PTCHD4: variants seen among roughly 807,000 people sequenced by gnomAD.
PTCHD4 encodes patched domain-containing protein 4.
A neutral mutation model predicts 58.1 loss-of-function variants in PTCHD4; 33 were observed. The ratio of observed to expected loss-of-function variants is 0.57; its 90% CI spans 0.43 to 0.76. The LOEUF (loss-of-function observed/expected upper bound fraction) is 0.76, where lower values mean the gene tolerates loss of function less well. Ranked by LOEUF, PTCHD4 falls within the 30% of genes least tolerant of loss-of-function variation. The probability of loss-of-function intolerance (pLI) is 0.00; values close to 1 mark genes in which losing one functional copy is unlikely to be tolerated. For synonymous variants in PTCHD4, 478 were observed against 409.6 expected, an observed-to-expected ratio of 1.17 and a Z score of -2.02; for missense variants, 1,058 against 1,027.1, an observed-to-expected ratio of 1.03 and a Z score of -0.41.
chr6:47,992,626 A>G (rs1768323637), intron 4 of PTCHD4, among the ~76,000 whole-genome samples: 1 of 152,320 alleles, frequency 6.6e-6, no homozygotes, highest in Middle Eastern at 3.4e-3. Flanking sequence ...AATAACATAT[A>G]TACAGTCATC....
rs150361927 is a variant in PTCHD4 at position 47,872,213 on chromosome 6, A to G, written c.*6090T>C. On this transcript the variant is annotated 3_prime_UTR_variant, in exon 5 of 5. Transcript: ENST00000339488. ...TACTGAGAATATAAGTTAAATTTAT[A>G]TAGCACTGAAAAGTTATACATTTTT... Among the ~76,000 whole-genome samples the G allele has an allele frequency of 1.7e-3, 257 of 151,810 alleles. 2 individuals are homozygous for G. Among genetic ancestry groups the G allele is most frequent in the African/African-American group, 5.8e-3 (240 of 41,510 alleles).
chr6:48,013,723 C>T (rs1762773131), intron 3 of PTCHD4, among the ~76,000 whole-genome samples: 1 of 152,088 alleles, frequency 6.6e-6, no homozygotes, highest in South Asian at 2.1e-4. Context: ...ATGTGGAATT[C>T]TACTTCTGAT....
chr6:47,859,686 A>G lies in PTCHD4; in HGVS notation c.*18617T>C, dbSNP rs528075412. On this transcript the variant is annotated 3_prime_UTR_variant, in exon 5 of 5. Transcript: ENST00000339488. ...AGCTTTCAATTTACTGGGGACAGAC[A>G]GACAATAAACAAATCCCATGACAAA... Among the ~76,000 whole-genome samples the G allele has an allele frequency of 1.1e-4, 16 of 152,170 alleles. No individual in the cohort carries two copies. The East Asian group carries it at 3.1e-3, about 30-fold the overall frequency.
rs1029921743 is a variant in PTCHD4 at position 47,864,667 on chromosome 6, C to T, written c.*13636G>A. ...GTTGTTATCTGCTTCCTCATCCTCA[C>T]GTATTTTAGTTCTATGACTGTAGAA... On this transcript the variant is annotated 3_prime_UTR_variant, in exon 5 of 5. Coordinates refer to ENST00000339488, the MANE Select transcript of PTCHD4 (RefSeq NM_001384253.1). Among the ~76,000 whole-genome samples the T allele has an allele frequency of 3.5e-5, 4 of 115,166 alleles. No individual in the cohort carries two copies. Among genetic ancestry groups the T allele is most frequent in the Admixed American group, 2.1e-4 (2 of 9,560 alleles). 75.6% of individuals were successfully genotyped at this position (115,166 alleles called of 152,430 possible). A position where few individuals can be genotyped will look rare whatever the true frequency, so the allele number is the denominator to read the frequency against.
Position 48,070,159 on chromosome 6 carries a change from A to G in PTCHD4, c.-969-233T>C, listed in dbSNP as rs542518523. Among the ~76,000 whole-genome samples the G allele has an allele frequency of 4.1e-3, 610 of 149,142 alleles. 3 individuals are homozygous for G. The highest frequency in any genetic ancestry group is 0.018 in the South Asian group (85 of 4,664). ...TGTGTGTGTGTGTGTGTGTGTGTAT[A>G]TATATATATGAATTTTTTAGGGCAA... On this transcript the variant is annotated intron_variant, in intron 1 of 4. Coordinates refer to ENST00000339488, the MANE Select transcript of PTCHD4 (RefSeq NM_001384253.1).
intron 3 of PTCHD4, among the ~76,000 whole-genome samples, chr6:48,029,701 C>T (rs1340075611): frequency 2.0e-5 from 3 of 151,984 alleles, no homozygotes; most frequent in Non-Finnish European, 2.9e-5. Flanking sequence ...TTTTTCATGG[C>T]AATACAGTTA....
chr6:48,080,268 G>A (rs1395772327), intron 1 of PTCHD4, among the ~76,000 whole-genome samples: 1 of 152,118 alleles, frequency 6.6e-6, no homozygotes, highest in Non-Finnish European at 1.5e-5. Flanking sequence ...AAAAAGCAAT[G>A]TAAACAAAAT....
At chr6:47,965,754 C>A (rs1387645296) in intron 4 of PTCHD4, among the ~76,000 whole-genome samples, 1 of 152,022 alleles carries the variant, frequency 6.6e-6, no homozygotes, top group East Asian at 1.9e-4. Context: ...CGGTGAAACC[C>A]CGTCTCTACT....
rs946385513 is a variant in PTCHD4, at chr6:47,859,779, C to G, written c.*18524G>C. 1.3e-5 allele frequency among the ~76,000 whole-genome samples: 2 copies of G among 151,918 alleles called. No individual in the cohort carries two copies. The highest frequency in any genetic ancestry group is 2.9e-5 in the Non-Finnish European group (2 of 67,950). On this transcript the variant is annotated 3_prime_UTR_variant, in exon 5 of 5. Coordinates refer to ENST00000339488, the MANE Select transcript of PTCHD4 (RefSeq NM_001384253.1). ...TCAGGAAAGGCCTCTCTAATGCATA[C>G]TTATTTAATATTTAAGAAGAAACCA...
intron 4 of PTCHD4, chr6:47,901,735 C>A (rs1023784251): frequency 1.7e-6 from 2 of 1,191,050 alleles, no homozygotes; most frequent in Admixed American, 6.9e-5. Context: ...AGAATGAACT[C>A]TCAGATTGCT....
At chr6:47,956,412 G>A (rs1270540927) in intron 4 of PTCHD4, among the ~76,000 whole-genome samples, 2 of 151,958 alleles carry the variant, frequency 1.3e-5, no homozygotes, top group Admixed American at 1.3e-4. Context: ...AGTATTTGAA[G>A]CCAGAGAGTA....
intron 4 of PTCHD4, among the ~76,000 whole-genome samples, chr6:47,911,818 A>T (rs1250698857): frequency 1.3e-5 from 2 of 152,102 alleles, no homozygotes; most frequent in African/African-American, 4.8e-5. Context: ...GGAATCATTC[A>T]TGTATAGATA....
chr6:48,031,595 A>G (rs74871287), intron 3 of PTCHD4, among the ~76,000 whole-genome samples: 4,280 of 152,238 alleles, frequency 0.028, 485 homozygotes, highest in East Asian at 0.26. Context: ...ATGTGAGAAT[A>G]GAAGCCGTGG....
intron 4 of PTCHD4, among the ~76,000 whole-genome samples, chr6:47,955,736 C>T (rs202226229): frequency 6.6e-6 from 1 of 152,140 alleles, no homozygotes; most frequent in Non-Finnish European, 1.5e-5. Context: ...TGGTTACATA[C>T]ATGTATAACC....
At chr6:47,997,904 C>G (rs1206238880) in intron 4 of PTCHD4, among the ~76,000 whole-genome samples, 1 of 152,214 alleles carries the variant, frequency 6.6e-6, no homozygotes, top group Admixed American at 6.5e-5. Context: ...TGTTAGATCA[C>G]TAGGTATGAT....
Position 47,878,136 on chromosome 6 carries a change from C to T in PTCHD4, c.*167G>A, listed in dbSNP as rs1470092832. On this transcript the variant is annotated 3_prime_UTR_variant, in exon 5 of 5. Coordinates refer to ENST00000339488, the MANE Select transcript of PTCHD4 (RefSeq NM_001384253.1). ...TAACTTTTTCCTCTTTTTTTATTCC[C>T]TCTTCCCCCCAAGAAGCAGGCACCT... 5 of 546,390 alleles carry T rather than the reference C, an allele frequency of 9.2e-6. No homozygotes were observed. Among genetic ancestry groups the T allele is most frequent in the Admixed American group, 6.9e-5 (2 of 29,194 alleles). The allele number at this position is 546,390 out of a possible 1,614,324, so 33.8% of individuals were successfully genotyped here.
At chr6:48,053,854 A>T (rs1216623780) in intron 3 of PTCHD4, among the ~76,000 whole-genome samples, 1 of 152,158 alleles carries the variant, frequency 6.6e-6, no homozygotes, top group East Asian at 1.9e-4. Context: ...ACCAGGCAGG[A>T]AAATGGTACC....
chr6:47,952,489 A>G (rs1766691652), intron 4 of PTCHD4, among the ~76,000 whole-genome samples: 1 of 152,224 alleles, frequency 6.6e-6, no homozygotes, highest in South Asian at 2.1e-4. Flanking sequence ...TAGAATAAGT[A>G]TATACCGCCC....
At chr6:48,010,257 G>A (rs1316303931) in intron 3 of PTCHD4, among the ~76,000 whole-genome samples, 1 of 152,122 alleles carries the variant, frequency 6.6e-6, no homozygotes, top group Non-Finnish European at 1.5e-5. Flanking sequence ...CTGCCAAGAT[G>A]TTTATCTAAC....
Sources: allele counts gnomAD v4.1 joint callset (sites outside exome capture counted in the v4.1 genomes callset), GRCh38; gene constraint gnomAD v4.1.1; transcripts MANE v1.5; gene names NCBI Gene and HGNC (gene_info 2026-07-23, HGNC 2026-07-21).